Variants in CLN5 observed in about 807,000 individuals in gnomAD.
The protein encoded by CLN5 is CLN5 lysosomal BMP synthase, also known as bis(monoacylglycero)phosphate synthase CLN5.
In CLN5, 34 loss-of-function variants were observed where a neutral mutation model predicts 36.7. That is an observed-to-expected ratio of 0.93 (90% CI 0.71 to 1.23). CLN5 has a LOEUF of 1.23. CLN5 is among the 50% of genes most tolerant of loss of function. The probability of loss-of-function intolerance (pLI) is 0.00; values close to 1 mark genes in which losing one functional copy is unlikely to be tolerated. For synonymous variants in CLN5, 151 were observed against 155.1 expected, an observed-to-expected ratio of 0.97 and a Z score of 0.20; for missense variants, 427 against 439.4, an observed-to-expected ratio of 0.97 and a Z score of 0.25.
rs1477294791 is a variant in CLN5 at position 77,004,956 on chromosome 13, A to C, written c.*3987A>C. 6.6e-6 allele frequency: 1 copy of C among 152,174 alleles called. No individual in the cohort carries two copies. Among genetic ancestry groups the C allele is most frequent in the African/African-American group, 2.4e-5 (1 of 41,456 alleles). The allele number at this position is 152,174 out of a possible 1,614,324, so 9.4% of individuals were successfully genotyped here. A position where few individuals can be genotyped will look rare whatever the true frequency, so the allele number is the denominator to read the frequency against. On this transcript the variant is annotated 3_prime_UTR_variant, in exon 4 of 4. Transcript: ENST00000377453. ...TGGTTGGGTTCAAGGACCCTTAAAG[A>C]CTGATTCTATGTCTAAATAATCTGT...
chr13:76,992,469 G>T lies in CLN5; in HGVS notation c.173+198G>T, dbSNP rs73539729. On this transcript the variant is annotated intron_variant, in intron 1 of 3. Coordinates refer to ENST00000377453, the MANE Select transcript of CLN5 (RefSeq NM_006493.4). ...GAGTCGCAGCCGCTCGTTACGTGCA[G>T]CCCTGGGACCTTTCGTCCCCTCTGG... 2,122 of 624,734 alleles carry T rather than the reference G, an allele frequency of 3.4e-3. 33 individuals carry two copies. The African/African-American group carries it at 0.036, about 11-fold the overall frequency. The allele number at this position is 624,734 out of a possible 1,614,324, so 38.7% of individuals were successfully genotyped here.
chr13:76,992,324 G>A, intron 1 of CLN5, 53 bp downstream of exon 1: 2 of 1,469,244 alleles, frequency 1.4e-6, no homozygotes, highest in Non-Finnish European at 1.8e-6. Flanking sequence ...TTGACGATGG[G>A]GGATGGGGTG....
chr13:76,994,126 G>A (rs947250624), intron 1 of CLN5: 6 of 152,078 alleles, frequency 3.9e-5, no homozygotes. Context: ...ATTCAGTCCT[G>A]TCAGATCTGC....
At chr13:76,999,980 C>T (rs1018582373) in intron 3 of CLN5, 1 of 152,206 alleles carries the variant, frequency 6.6e-6, no homozygotes, top group Non-Finnish European at 1.5e-5. Flanking sequence ...GCTTGGATTC[C>T]TGTTGTGAAA....
At chr13:76,996,188 GTTATACTTCCA>G in intron 3 of CLN5, 61 bp downstream of exon 3, 1 of 1,283,084 alleles carries the variant, frequency 7.8e-7, no homozygotes, top group Non-Finnish European at 1.1e-6. Flanking sequence ...GAAAGAAATT[GTTATACTTCCA>G]TTGAAACATT....
intron 1 of CLN5, 108 bp downstream of exon 1, chr13:76,992,379 A>G (rs2034195821): frequency 5.5e-6 from 7 of 1,283,390 alleles, no homozygotes; most frequent in Non-Finnish European, 7.3e-6. Context: ...TCGGGTCACG[A>G]GATGGTGCGG....
chr13:76,995,880 T>C (rs2034256572), intron 2 of CLN5, 22 bp from the exon 3 acceptor site: 3 of 1,597,826 alleles, frequency 1.9e-6, no homozygotes, highest in Admixed American at 1.7e-5. Flanking sequence ...GTTGCTTTTA[T>C]ACATGTACTG....
chr13:76,996,389 C>T (rs144108987), intron 3 of CLN5: 14 of 442,736 alleles, frequency 3.2e-5, no homozygotes, highest in Non-Finnish European at 4.1e-5. Context: ...GAGATTTTTG[C>T]GCACCCATCA....
intron 2 of CLN5, 198 bp from the exon 3 acceptor site, chr13:76,995,704 G>T: frequency 3.1e-6 from 2 of 636,860 alleles, no homozygotes; most frequent in Non-Finnish European, 2.8e-6. Context: ...AAATAGGGGT[G>T]TAGTGGCCAA....
Position 76,994,918 on chromosome 13 carries a change from C to A in CLN5, c.174-145C>A, listed in dbSNP as rs1468194689. On this transcript the variant is annotated intron_variant, in intron 1 of 3. Coordinates refer to ENST00000377453, the MANE Select transcript of CLN5 (RefSeq NM_006493.4). ...AAAAACATTATTGGAAGTTTGTTCACAAGATAACAAAATGTGTGTTTATAT... is the reference window on the plus strand; with the variant it reads ...AAAAACATTATTGGAAGTTTGTTCAAAAGATAACAAAATGTGTGTTTATAT... The A allele has an allele frequency of 1.2e-5, 8 of 680,978 alleles. No homozygotes were observed. The South Asian group carries it at 1.6e-4, about 14-fold the overall frequency. 42.2% of individuals were successfully genotyped at this position (680,978 alleles called of 1,614,324 possible).
intron 3 of CLN5, chr13:76,999,641 C>T (rs2034325489): frequency 6.6e-6 from 1 of 152,222 alleles, no homozygotes; most frequent in South Asian, 2.1e-4. Flanking sequence ...CCTCAGGCAG[C>T]CATTCATACT....
chr13:77,003,348 G>A lies in CLN5; in HGVS notation c.*2379G>A, dbSNP rs988359999. 1 of 152,098 alleles carries A rather than the reference G, an allele frequency of 6.6e-6. No homozygotes were observed. Among genetic ancestry groups the A allele is most frequent in the Non-Finnish European group, 1.5e-5 (1 of 68,020 alleles). 9.4% of individuals were successfully genotyped at this position (152,098 alleles called of 1,614,324 possible). ...ATTCAAGATTTTTCATTGTTCCTAA[G>A]AATCTTAATTAAATGAAGACAGAAA... On this transcript the variant is annotated 3_prime_UTR_variant, in exon 4 of 4. Coordinates refer to ENST00000377453, the MANE Select transcript of CLN5 (RefSeq NM_006493.4).
Position 77,000,711 on chromosome 13 carries a change from A to G in CLN5, c.819A>G (p.Thr273=), listed in dbSNP as rs1337638446. Residue 273 remains threonine, a synonymous_variant, in exon 4 of 4, where the codon ACA becomes ACG. Coordinates refer to ENST00000377453, the MANE Select transcript of CLN5 (RefSeq NM_006493.4). The part of the protein sequence containing the change: ...SGEPTYLGNE[T]SVFGPTGNKT... ...AACCTACTTATCTGGGAAATGAAAC[A>G]TCTGTTTTTGGGCCAACAGGAAACA... 6.2e-7 allele frequency: 1 copy of G among 1,614,006 alleles called. No individual in the cohort carries two copies. The highest frequency in any genetic ancestry group is 8.5e-7 in the Non-Finnish European group (1 of 1,180,006).
chr13:77,004,593 A>G lies in CLN5; in HGVS notation c.*3624A>G, dbSNP rs961349910. 6.6e-6 allele frequency: 1 copy of G among 152,150 alleles called. No individual in the cohort carries two copies. The highest frequency in any genetic ancestry group is 6.5e-5 in the Admixed American group (1 of 15,280). The allele number at this position is 152,150 out of a possible 1,614,324, so 9.4% of individuals were successfully genotyped here. A position where few individuals can be genotyped will look rare whatever the true frequency, so the allele number is the denominator to read the frequency against. On this transcript the variant is annotated 3_prime_UTR_variant, in exon 4 of 4. Coordinates refer to ENST00000377453, the MANE Select transcript of CLN5 (RefSeq NM_006493.4). ...AATTTTCCTGCCTGGTAAAATTAAA[A>G]CCAGCCCCACAAACTGGGGTTGGAG...
chr13:76,993,759 C>T (rs2034218909), intron 1 of CLN5: 1 of 152,002 alleles, frequency 6.6e-6, no homozygotes, highest in Non-Finnish European at 1.5e-5. Flanking sequence ...CTTTTGGGAG[C>T]GTCGTTAATA....
Position 77,000,775 on chromosome 13 carries a change from T to A in CLN5, c.883T>A (p.Phe295Ile). 6.2e-7 allele frequency: 1 copy of A among 1,613,630 alleles called. No homozygotes were observed. Among genetic ancestry groups the A allele is most frequent in the Non-Finnish European group, 8.5e-7 (1 of 1,179,848 alleles). ...GLAIKRFYYP[F>I]KPHLPTKEFL... The stretch of plus-strand genomic sequence containing the variant: ...AGCCATAAAAAGATTTTATTACCCC[T>A]TCAAACCACATTTGCCAACTAAAGA... Residue 295 changes from phenylalanine (F) to isoleucine (I), a missense_variant, in exon 4 of 4, where the codon TTC becomes ATC. Coordinates refer to ENST00000377453, the MANE Select transcript of CLN5 (RefSeq NM_006493.4).
Position 76,996,057 on chromosome 13 carries a change from C to G in CLN5, c.495C>G (p.Cys165Trp). 1.2e-6 allele frequency: 2 copies of G among 1,614,138 alleles called. No individual in the cohort carries two copies. The highest frequency in any genetic ancestry group is 1.7e-6 in the Non-Finnish European group (2 of 1,180,026). ...APFWCNQGAA[C>W]FFEGIDDVHW... Reference sequence around the variant, plus strand: ...TCTGGTGTAATCAAGGCGCTGCCTGCTTTTTTGAGGGAATTGATGATGTTC... The same window carrying G: ...TCTGGTGTAATCAAGGCGCTGCCTGGTTTTTTGAGGGAATTGATGATGTTC... Residue 165 changes from cysteine to tryptophan, a missense_variant, in exon 3 of 4, where the codon TGC becomes TGG. Physicochemically the swap from Cys to Trp is radical, Grantham distance 215. Transcript: ENST00000377453.
intron 3 of CLN5, chr13:76,997,975 T>C (rs1046112589): frequency 1.3e-5 from 2 of 152,284 alleles, no homozygotes; most frequent in African/African-American, 4.8e-5. Context: ...CTGAGTACTG[T>C]ACATACATCA....
rs1048147140 is a variant in CLN5, at chr13:76,995,193, T to G, written c.304T>G (p.Trp102Gly). 10 of 1,614,008 alleles carry G rather than the reference T, an allele frequency of 6.2e-6. No homozygotes were observed. The highest frequency in any genetic ancestry group is 1.3e-5 in the African/African-American group (1 of 74,940). The change falls in exon 2 of 4, where the codon TGG (tryptophan) becomes GGG (glycine). Residue 102 changes from tryptophan to glycine, a missense_variant. By Grantham distance (184) the Trp-to-Gly change is radical. Coordinates refer to ENST00000377453, the MANE Select transcript of CLN5 (RefSeq NM_006493.4). ...AGTTTTTCGATTACAAGCCCCAGTA[T>G]GGGAATTTAAATATGGAGACCTCCT... ...IEVFRLQAPVWEFKYGDLLGH... is the reference protein window; with the variant it reads ...IEVFRLQAPVGEFKYGDLLGH...
Sources: allele counts gnomAD v4.1 joint callset, GRCh38; gene constraint gnomAD v4.1.1; transcripts MANE v1.5; gene names NCBI Gene and HGNC (gene_info 2026-07-23, HGNC 2026-07-21).